Variants in AHCY observed in about 807,000 individuals in gnomAD.
The protein encoded by AHCY is adenosylhomocysteinase, also known as S-adenosyl-L-homocysteine hydrolase.
Under a neutral mutation model 45.4 loss-of-function variants are expected in AHCY, and 24 were observed. The ratio of observed to expected loss-of-function variants is 0.53; its 90% CI spans 0.38 to 0.74. AHCY has a LOEUF of 0.74. AHCY is among the 30% of genes least tolerant of loss of function. The pLI, the probability that AHCY is intolerant of heterozygous loss-of-function variation, is 0.00. For missense variants in AHCY, 449 were observed against 594.1 expected (o/e 0.76, Z 2.54); for synonymous variants, 245 against 235.1 (o/e 1.04, Z -0.39).
At chr20:34,235,899 A>AAGGAAGGAAGG in the AHCY span, among the ~76,000 whole-genome samples, 1 of 64,600 alleles carries the variant, frequency 1.5e-5, no homozygotes, top group East Asian at 4.3e-4. Flanking sequence ...GGAAGGAAGG[A>AAGGAAGGAAGG]AAGGAAGGAA....
rs1251611086 is a variant in AHCY at position 34,281,013 on chromosome 20, G to A, written c.*21C>T. 3 of 1,613,810 alleles carry A rather than the reference G, an allele frequency of 1.9e-6. No individual in the cohort carries two copies. The highest frequency in any genetic ancestry group is 4.5e-5 in the East Asian group (2 of 44,888). On this transcript the variant is annotated 3_prime_UTR_variant, in exon 10 of 10. Coordinates refer to ENST00000217426, the MANE Select transcript of AHCY (RefSeq NM_000687.4). ...GCCTGGGCAAGGACAGCAGCTGGAG[G>A]GTGAAACGCAGACCTGGCTCTCAGT...
the AHCY span, among the ~76,000 whole-genome samples, chr20:34,238,108 A>G: frequency 1.3e-5 from 2 of 152,054 alleles, no homozygotes; most frequent in Admixed American, 1.3e-4. Flanking sequence ...GTTTGATTAT[A>G]CCGTATCTTT....
chr20:34,254,557 A>G, the AHCY span, among the ~76,000 whole-genome samples: 1 of 152,224 alleles, frequency 6.6e-6, no homozygotes, highest in Non-Finnish European at 1.5e-5. Context: ...ACATTTGGCA[A>G]CAAAACCCGT....
At chr20:34,300,196 A>G (rs565609682) in intron 1 of AHCY, among the ~76,000 whole-genome samples, 1 of 152,226 alleles carries the variant, frequency 6.6e-6, no homozygotes. Flanking sequence ...AAAAAACAAT[A>G]AAGAAATAAA....
upstream of AHCY, chr20:34,303,421 G>T: frequency 1.7e-6 from 2 of 1,189,482 alleles, no homozygotes; most frequent in Non-Finnish European, 2.4e-6. Context: ...ACCCGCTGGG[G>T]CGGGGCCCAA....
the AHCY span, among the ~76,000 whole-genome samples, chr20:34,244,703 G>A: frequency 6.6e-6 from 1 of 152,268 alleles, no homozygotes; most frequent in East Asian, 1.9e-4. Flanking sequence ...TAATGTCAAA[G>A]AAGTGGCTTA....
chr20:34,280,833 G>C lies in AHCY; in HGVS notation c.*201C>G. On this transcript the variant is annotated 3_prime_UTR_variant, in exon 10 of 10. Transcript: ENST00000217426. Reference sequence around the variant, plus strand: ...GGGACCTCCATCATGACCGGGGCTTGAAGAGGGTACTCTGTTCCCGCTGCC... The same window carrying C: ...GGGACCTCCATCATGACCGGGGCTTCAAGAGGGTACTCTGTTCCCGCTGCC... 1 of 745,966 alleles carries C rather than the reference G, an allele frequency of 1.3e-6. No homozygotes were observed. The allele number at this position is 745,966 out of a possible 1,614,324, so 46.2% of individuals were successfully genotyped here. A position where few individuals can be genotyped will look rare whatever the true frequency, so the allele number is the denominator to read the frequency against.
chr20:34,253,760 G>A, the AHCY span, among the ~76,000 whole-genome samples: 151 of 151,806 alleles, frequency 9.9e-4, no homozygotes, highest in Non-Finnish European at 1.8e-3. Context: ...CGTGAGTGCC[G>A]GGCCCTTAAA....
chr20:34,284,764 A>G (rs962188130), intron 9 of AHCY, among the ~76,000 whole-genome samples: 1 of 152,224 alleles, frequency 6.6e-6, no homozygotes, highest in Non-Finnish European at 1.5e-5. Context: ...TGGAGGTTGC[A>G]GTAAGCCGAG....
At chr20:34,265,966 A>AG in the AHCY span, among the ~76,000 whole-genome samples, 5 of 151,838 alleles carry the variant, frequency 3.3e-5, no homozygotes, top group Admixed American at 6.6e-5. Context: ...ACAAAAGCGG[A>AG]GGGGGGGAAG....
chr20:34,267,260 G>A, the AHCY span, among the ~76,000 whole-genome samples: 2 of 151,994 alleles, frequency 1.3e-5, no homozygotes, highest in African/African-American at 4.8e-5. Context: ...AGAGTGCAAA[G>A]AAATTACAGC....
At position 34,291,471 on chromosome 20, in the gene AHCY, G is replaced by A; in HGVS notation, c.506C>T (p.Ala169Val). The A allele has an allele frequency of 1.2e-6, 2 of 1,614,120 alleles. No individual in the cohort carries two copies. The highest frequency in any genetic ancestry group is 1.1e-5 in the South Asian group (1 of 91,080). ...GGCAGGCACCTTGAGGATCCCATTG[G>A]CCATCATCTTGTAGAGGTTGTGGAC... Reference protein sequence around the residue: ...TGVHNLYKMMANGILKVPAIN... With the variant: ...TGVHNLYKMMVNGILKVPAIN... The change falls in exon 5 of 10, where the codon GCC becomes GTC. Residue 169 changes from alanine to valine, a missense_variant. Ala to Val is a moderately conservative substitution (Grantham distance 64). Transcript: ENST00000217426.
At chr20:34,289,534 G>T (rs1262515244) in intron 8 of AHCY, among the ~76,000 whole-genome samples, 2 of 144,666 alleles carry the variant, frequency 1.4e-5, no homozygotes, top group African/African-American at 5.2e-5. Flanking sequence ...GGAGTGCGAG[G>T]GTGCGATCTC....
the AHCY span, among the ~76,000 whole-genome samples, chr20:34,253,099 C>T: frequency 1.3e-5 from 2 of 152,134 alleles, no homozygotes; most frequent in Admixed American, 1.3e-4. Context: ...AACCTGATCT[C>T]TCTTTCTTTT....
intron 8 of AHCY, among the ~76,000 whole-genome samples, chr20:34,287,581 AG>A (rs2036230318): frequency 1.3e-5 from 2 of 151,908 alleles, no homozygotes; most frequent in African/African-American, 4.8e-5. Flanking sequence ...TAGTAGAGAC[AG>A]GGTTTGACCA....
intron 8 of AHCY, among the ~76,000 whole-genome samples, chr20:34,289,947 TC>T (rs1266171536): frequency 6.6e-6 from 1 of 152,084 alleles, no homozygotes; most frequent in Non-Finnish European, 1.5e-5. Context: ...TTACTCTGCC[TC>T]CATCCTGACC....
At position 34,290,799 on chromosome 20, in the gene AHCY, C is replaced by G; in HGVS notation, c.698G>C (p.Arg233Pro). ...GATGATGACGCGGGCTCCGAAACCCCGCAGGGCCTGGGCACAGCCCTTGCC... is the reference window on the plus strand; with the variant it reads ...GATGATGACGCGGGCTCCGAAACCCGGCAGGGCCTGGGCACAGCCCTTGCC... ...DVGKGCAQAL[R>P]GFGARVIITE... Residue 233 changes from arginine to proline, a missense_variant, in exon 6 of 10, where the codon CGG (arginine) becomes CCG (proline). By Grantham distance (103) the Arg-to-Pro change is moderately radical. Coordinates refer to ENST00000217426, the MANE Select transcript of AHCY (RefSeq NM_000687.4). This position sits in a 1 kb window ranked among gnomAD's most constrained non-coding sequence, Gnocchi z 4.5. 1 of 1,614,154 alleles carries G rather than the reference C, an allele frequency of 6.2e-7. No individual in the cohort carries two copies. The highest frequency in any genetic ancestry group is 8.5e-7 in the Non-Finnish European group (1 of 1,180,024).
At chr20:34,309,528 A>T (rs1377951234) in intron 1 of AHCY, among the ~76,000 whole-genome samples, 2 of 152,148 alleles carry the variant, frequency 1.3e-5, no homozygotes, top group Admixed American at 6.6e-5. Flanking sequence ...GGCCAGGCAC[A>T]GTGGCTCATG....
chr20:34,291,382 C>T, intron 5 of AHCY, 37 bp downstream of exon 5: 3 of 1,564,136 alleles, frequency 1.9e-6, no homozygotes, highest in Non-Finnish European at 1.8e-6. Flanking sequence ...TGAGCTGCAG[C>T]CACTGTAGCG....
Sources: allele counts gnomAD v4.1 joint callset (sites outside exome capture counted in the v4.1 genomes callset), GRCh38; gene constraint gnomAD v4.1.1; non-coding constraint Gnocchi (gnomAD v3.1); transcripts MANE v1.5; gene names NCBI Gene and HGNC (gene_info 2026-07-23, HGNC 2026-07-21).